The following PCSK7 variants were observed in gnomAD, a reference collection of about 807,000 sequenced individuals.
PCSK7 encodes the protein lymphoma proprotein convertase.
In PCSK7, 38 loss-of-function variants were observed where a neutral mutation model predicts 73.3. The observed-to-expected ratio is 0.52, with a 90% CI of 0.40 to 0.68. PCSK7 has a LOEUF of 0.68. PCSK7 is among the 30% of genes least tolerant of loss of function. PCSK7 has a pLI of 0.00. For synonymous variants in PCSK7, 296 were observed against 383.8 expected (o/e 0.77, Z 2.68); for missense variants, 692 against 991.5 (o/e 0.70, Z 4.06).
chr11:117,218,770 G>A lies in PCSK7; in HGVS notation c.1432-202C>T, dbSNP rs952035299. The A allele has an allele frequency of 1.8e-6, 1 of 566,034 alleles. No homozygotes were observed. The highest frequency in any genetic ancestry group is 2.9e-5 in the East Asian group (1 of 34,566). 35.1% of individuals were successfully genotyped at this position (566,034 alleles called of 1,614,324 possible). On this transcript the variant is annotated intron_variant, in intron 11 of 16. Coordinates refer to ENST00000320934, the MANE Select transcript of PCSK7 (RefSeq NM_004716.4). This position sits in a 1 kb window ranked among gnomAD's most constrained non-coding sequence, Gnocchi z 4.0. ...ACAGCCCCCAGCTAAGGAACCAGAG[G>A]AAACAGCTGTGTCCAGGGTGGAGGA...
Position 117,218,910 on chromosome 11 carries a change from C to T in PCSK7, c.1431+147G>A. The stretch of plus-strand genomic sequence containing the variant: ...GCTTTCTCATTTGTAAAATGGATAT[C>T]AGCTGGGATGAAGGTTGAAGTTGTT... On this transcript the variant is annotated intron_variant, in intron 11 of 16. Coordinates refer to ENST00000320934, the MANE Select transcript of PCSK7 (RefSeq NM_004716.4). The surrounding 1 kb of genome is among the most constrained non-coding windows in gnomAD (Gnocchi z 4.0). 2 of 600,108 alleles carry T rather than the reference C, an allele frequency of 3.3e-6. No homozygotes were observed. The highest frequency in any genetic ancestry group is 3.0e-6 in the Non-Finnish European group (1 of 338,848). 37.2% of individuals were successfully genotyped at this position (600,108 alleles called of 1,614,324 possible).
intron 4 of PCSK7, among the ~76,000 whole-genome samples, chr11:117,227,871 TCCA>T (rs2032492041): frequency 6.6e-6 from 1 of 151,814 alleles, no homozygotes; most frequent in African/African-American, 2.4e-5. Flanking sequence ...TGCCTACAGC[TCCA>T]CGGCTTGGGA....
chr11:117,222,968 A>C, intron 9 of PCSK7: 1 of 502,536 alleles, frequency 2.0e-6, no homozygotes, highest in Middle Eastern at 5.5e-4. Flanking sequence ...TTAGTTTCTA[A>C]AAATATGTAT....
rs116616736 is a variant in PCSK7, at chr11:117,219,265, C to T, written c.1324-101G>A. ...TTGCCCTGCTGGCTGATCCAGTCCA[C>T]GCTCTCCCACTATGGCTACTGGGAA... On this transcript the variant is annotated intron_variant, in intron 10 of 16. Coordinates refer to ENST00000320934, the MANE Select transcript of PCSK7 (RefSeq NM_004716.4). 2,105 of 828,754 alleles carry T rather than the reference C, an allele frequency of 2.5e-3. 32 individuals carry two copies. The African/African-American group carries it at 0.029, about 12-fold the overall frequency. The allele number at this position is 828,754 out of a possible 1,614,324, so 51.3% of individuals were successfully genotyped here. A position where few individuals can be genotyped will look rare whatever the true frequency, so the allele number is the denominator to read the frequency against.
intron 12 of PCSK7, chr11:117,213,779 C>G: frequency 6.6e-6 from 1 of 151,990 alleles, no homozygotes; most frequent in Non-Finnish European, 1.5e-5. Context: ...ACTCTCTCTA[C>G]CAGAACTAAA....
intron 12 of PCSK7, chr11:117,214,545 C>T (rs76604009): frequency 0.04 from 6,077 of 152,262 alleles, 152 homozygotes; most frequent in Middle Eastern, 0.057. Flanking sequence ...GGAGGAGAGA[C>T]GTTGCAACAA....
intron 12 of PCSK7, chr11:117,211,613 T>C (rs1040648599): frequency 2.0e-5 from 3 of 152,272 alleles, no homozygotes; most frequent in Non-Finnish European, 1.5e-5. Flanking sequence ...CTCCCTTCAC[T>C]TTCTTGTCCT....
In PCSK7 at chr11:117,228,232, T is replaced by A. The variant is rs765969891; in HGVS notation, c.587A>T (p.Asp196Val). 1.2e-6 allele frequency: 2 copies of A among 1,613,464 alleles called. No homozygotes were observed. Among genetic ancestry groups the A allele is most frequent in the South Asian group, 2.2e-5 (2 of 90,874 alleles). ...VDDGVEHTIQ[D>V]IAPNYSPEGS... ...GCCACTCACATAGTTGGGTGCAATG[T>A]CCTGGATGGTGTGTTCCACTCCGTC... The change falls in exon 4 of 17, where the codon GAC becomes GTC. Residue 196 changes from aspartate to valine, a missense_variant. This residue lies in a region of PCSK7 where 574 missense variants were observed against 689.8 expected (regional missense o/e 0.83). Coordinates refer to ENST00000320934, the MANE Select transcript of PCSK7 (RefSeq NM_004716.4).
In PCSK7 at chr11:117,226,791, G is replaced by A. The variant is rs375305891; in HGVS notation, c.769+366C>T. ...CTCCAGGGAGGAATAGGGCTGCTCA[G>A]CTCCCCCAAAAGGATGGAGAGCAGC... On this transcript the variant is annotated intron_variant, in intron 5 of 16. Coordinates refer to ENST00000320934, the MANE Select transcript of PCSK7 (RefSeq NM_004716.4). The A allele has an allele frequency of 9.8e-4, 192 of 195,256 alleles. No individual in the cohort carries two copies. In the Middle Eastern group the frequency reaches 0.013, roughly 14 times the overall value. The allele number at this position is 195,256 out of a possible 1,614,324, so 12.1% of individuals were successfully genotyped here.
At position 117,223,094 on chromosome 11, in the gene PCSK7, A is replaced by C; in HGVS notation, c.1155+114T>G. ...AAGACATCCAGCTCTGTGGGGGAAG[A>C]GGAGCCTGAGTGTTGGGGCGGGGAA... On this transcript the variant is annotated intron_variant, in intron 9 of 16. Transcript: ENST00000320934. The C allele has an allele frequency of 4.1e-6, 3 of 732,178 alleles. No individual in the cohort carries two copies. In the South Asian group the frequency reaches 4.6e-5, roughly 11 times the overall value. The allele number at this position is 732,178 out of a possible 1,614,324, so 45.4% of individuals were successfully genotyped here.
chr11:117,228,952 C>T lies in PCSK7; in HGVS notation c.468+425G>A, dbSNP rs776597131. ...ACACCTCTTATGCCAATGGTAGTAT[C>T]GTATCACTTATGTCATAGTGTTTAC... On this transcript the variant is annotated intron_variant, in intron 3 of 16. Coordinates refer to ENST00000320934, the MANE Select transcript of PCSK7 (RefSeq NM_004716.4). Among the ~76,000 whole-genome samples the T allele has an allele frequency of 1.5e-4, 23 of 152,240 alleles. 1 individual carries two copies. Among genetic ancestry groups the T allele is most frequent in the African/African-American group, 5.5e-4 (23 of 41,516 alleles).
chr11:117,216,391 A>G (rs560827267), intron 12 of PCSK7: 1 of 150,882 alleles, frequency 6.6e-6, no homozygotes, highest in South Asian at 2.1e-4. Context: ...TGGCTGTAGA[A>G]GGGGTTTCTT....
In PCSK7 at chr11:117,229,742, C is replaced by T. The variant is rs1565320889; in HGVS notation, c.103G>A (p.Val35Ile). ...LAGLFLLVPW[V>I]MGLAGTGGPD... ...CCACCTGTCCCTGCCAGGCCCATGACCCAGGGAACCAGTAAGAAGAGCCCG... is the reference window on the plus strand; with the variant it reads ...CCACCTGTCCCTGCCAGGCCCATGATCCAGGGAACCAGTAAGAAGAGCCCG... Residue 35 changes from valine to isoleucine, a missense_variant, in exon 3 of 17, where the codon GTC (valine) becomes ATC (isoleucine). Transcript: ENST00000320934. 3 of 1,613,916 alleles carry T rather than the reference C, an allele frequency of 1.9e-6. No homozygotes were observed. The highest frequency in any genetic ancestry group is 2.2e-5 in the South Asian group (2 of 91,078).
At chr11:117,231,762 G>A (rs2032677904) in intron 1 of PCSK7, 5 of 152,288 alleles carry the variant, frequency 3.3e-5, no homozygotes, top group Admixed American at 2.6e-4. Flanking sequence ...TTCCACACCC[G>A]GCTCCTAGAA....
rs1191866811 is a variant in PCSK7, at chr11:117,224,710, C to T, written c.906G>A (p.Gln302=). The T allele has an allele frequency of 6.2e-7, 1 of 1,613,418 alleles. No individual in the cohort carries two copies. Residue 302 remains glutamine (Q), a synonymous_variant, in exon 7 of 17, where the codon CAG becomes CAA. Coordinates refer to ENST00000320934, the MANE Select transcript of PCSK7 (RefSeq NM_004716.4). ...TGTGCAGGCCAGTTACCTTTCCAAG[C>T]TGATGGGGGCCATCCACTGTCTTCC... The part of the protein sequence containing the change: ...DDGKTVDGPH[Q]LGKAALQHGV...
Position 117,219,638 on chromosome 11 carries a change from G to A in PCSK7, c.1276C>T (p.Leu426Phe). ...ATGTGCTGGACGTCACGCCACGTGAGGCAGGGCCGCACCTGCAGCATTAAG... is the reference window on the plus strand; with the variant it reads ...ATGTGCTGGACGTCACGCCACGTGAAGCAGGGCCGCACCTGCAGCATTAAG... The part of the protein sequence containing the change: ...IALMLQVRPC[L>F]TWRDVQHIIV... The change falls in exon 10 of 17, where the codon CTC becomes TTC. Residue 426 changes from leucine (L) to phenylalanine (F), a missense_variant. Physicochemically the swap from Leu to Phe is conservative, Grantham distance 22. This residue lies in a region of PCSK7 where 574 missense variants were observed against 689.8 expected (regional missense o/e 0.83). Coordinates refer to ENST00000320934, the MANE Select transcript of PCSK7 (RefSeq NM_004716.4). The A allele has an allele frequency of 2.5e-6, 4 of 1,612,648 alleles. No individual in the cohort carries two copies. Among genetic ancestry groups the A allele is most frequent in the Non-Finnish European group, 3.4e-6 (4 of 1,179,538 alleles).
Position 117,204,569 on chromosome 11 carries a change from T to G in PCSK7, c.*1428A>C. On this transcript the variant is annotated 3_prime_UTR_variant, in exon 17 of 17. Transcript: ENST00000320934. ...TTCTTACCCGAAAGCATCACTGCCT[T>G]GGCCCCTCCCTCCCGGCTGCCCCCA... is the stretch of plus-strand genomic sequence containing the variant. 1.3e-6 allele frequency: 1 copy of G among 745,656 alleles called. No homozygotes were observed. Among genetic ancestry groups the G allele is most frequent in the Non-Finnish European group, 2.3e-6 (1 of 435,956 alleles). 46.2% of individuals were successfully genotyped at this position (745,656 alleles called of 1,614,324 possible).
At position 117,229,577 on chromosome 11, in the gene PCSK7, C is replaced by G; in HGVS notation, c.268G>C (p.Gly90Arg). 2 of 1,614,038 alleles carry G rather than the reference C, an allele frequency of 1.2e-6. No homozygotes were observed. The highest frequency in any genetic ancestry group is 1.7e-6 in the Non-Finnish European group (2 of 1,180,038). The change falls in exon 3 of 17, where the codon GGA becomes CGA. Residue 90 changes from glycine to arginine, a missense_variant. Gly to Arg is a moderately radical substitution (Grantham distance 125). This residue lies in a region of PCSK7 where 574 missense variants were observed against 689.8 expected (regional missense o/e 0.83). Coordinates refer to ENST00000320934, the MANE Select transcript of PCSK7 (RefSeq NM_004716.4). ...AAGLVNAGRI[G>R]ELQGHYLFVQ... ...AAGAGGTAGTGCCCCTGAAGCTCTC[C>G]GATGCGTCCAGCATTCACCAGCCCT... is the stretch of plus-strand genomic sequence containing the variant.
At chr11:117,225,568 C>T (rs2032390708) in intron 6 of PCSK7, 1 of 272,764 alleles carries the variant, frequency 3.7e-6, no homozygotes, top group Non-Finnish European at 7.1e-6. Context: ...CAGTCCAGCA[C>T]AGCCATGCCC....
Sources: allele counts gnomAD v4.1 joint callset (sites outside exome capture counted in the v4.1 genomes callset), GRCh38; gene constraint gnomAD v4.1.1; regional missense constraint gnomAD v4.1.1; non-coding constraint Gnocchi (gnomAD v3.1); transcripts MANE v1.5; gene names NCBI Gene and HGNC (gene_info 2026-07-23, HGNC 2026-07-21).